LRP1B: variants seen among roughly 807,000 people sequenced by gnomAD.
LRP1B encodes low-density lipoprotein receptor-related protein 1B.
A neutral mutation model predicts 556.6 loss-of-function variants in LRP1B; 217 were observed. The observed-to-expected ratio is 0.39, with a 90% CI of 0.35 to 0.44. The LOEUF (loss-of-function observed/expected upper bound fraction) is 0.44. LRP1B is among the 20% of genes least tolerant of loss of function. The pLI is 1.00. For missense variants in LRP1B, 5,053 were observed against 5,620.8 expected, an observed-to-expected ratio of 0.90 and a Z score of 3.23; for synonymous variants, 2,047 against 1,865.8, an observed-to-expected ratio of 1.10 and a Z score of -2.50.
chr2:141,784,235 G>A (rs947245261), intron 2 of LRP1B, among the ~76,000 whole-genome samples: 1 of 151,826 alleles, frequency 6.6e-6, no homozygotes, highest in Non-Finnish European at 1.5e-5. Flanking sequence ...ACATATACTG[G>A]TGGTAGAAAG....
chr2:141,963,486 C>A (rs1038507827), intron 1 of LRP1B, among the ~76,000 whole-genome samples: 45 of 151,620 alleles, frequency 3.0e-4, no homozygotes, highest in Non-Finnish European at 5.7e-4. Flanking sequence ...GAGCCAAAGA[C>A]AAAAACCACA....
chr2:141,124,242 T>G (rs1007832908), intron 7 of LRP1B, among the ~76,000 whole-genome samples: 2 of 152,158 alleles, frequency 1.3e-5, no homozygotes, highest in Non-Finnish European at 2.9e-5. Context: ...TTGCATAGTT[T>G]ATGTGTTTGA....
At chr2:142,122,455 G>T (rs1707490388) in intron 1 of LRP1B, among the ~76,000 whole-genome samples, 1 of 152,076 alleles carries the variant, frequency 6.6e-6, no homozygotes, top group South Asian at 2.1e-4. Flanking sequence ...TATTCTAAAT[G>T]TTGATCATGT....
chr2:141,432,890 T>C (rs558832770), intron 3 of LRP1B, among the ~76,000 whole-genome samples: 1 of 152,160 alleles, frequency 6.6e-6, no homozygotes, highest in Admixed American at 6.5e-5. Flanking sequence ...TCTTTTTCAT[T>C]AATTTCCACT....
rs150611245 is a variant in LRP1B, at chr2:141,181,284, T to A, written c.1013+7137A>T. ...TATCCTGGAAAGAATACACTAAAGA[T>A]CACATTACAGAGCAAAGAAATAGAA... is the stretch of plus-strand genomic sequence containing the variant. On this transcript the variant is annotated intron_variant, in intron 7 of 90. Transcript: ENST00000389484. Among the ~76,000 whole-genome samples, 495 of 151,894 alleles carry A rather than the reference T, an allele frequency of 3.3e-3. 2 individuals are homozygous for A. The highest frequency in any genetic ancestry group is 5.6e-3 in the Non-Finnish European group (377 of 67,862).
At chr2:140,677,215 C>T (rs1325340845) in intron 41 of LRP1B, among the ~76,000 whole-genome samples, 1 of 152,146 alleles carries the variant, frequency 6.6e-6, no homozygotes, top group Non-Finnish European at 1.5e-5. Flanking sequence ...TTGTCTTTGT[C>T]AACCACAGAG....
intron 7 of LRP1B, among the ~76,000 whole-genome samples, chr2:141,115,858 T>C (rs1471078208): frequency 1.3e-5 from 2 of 152,100 alleles, no homozygotes; most frequent in Non-Finnish European, 2.9e-5. Flanking sequence ...AGAATTTTCA[T>C]TTTGCTTTCA....
At chr2:141,137,070 A>T (rs1701509898) in intron 7 of LRP1B, among the ~76,000 whole-genome samples, 1 of 151,978 alleles carries the variant, frequency 6.6e-6, no homozygotes, top group African/African-American at 2.4e-5. Context: ...ACATAAGGCC[A>T]GTTTTTAAAT....
At chr2:141,544,368 T>TTTTCTTC (rs1685455060) in intron 2 of LRP1B, among the ~76,000 whole-genome samples, 1 of 109,868 alleles carries the variant, frequency 9.1e-6, no homozygotes, top group African/African-American at 3.1e-5. Flanking sequence ...CTTCTTCTTC[T>TTTTCTTC]TCTTCTTCTT....
At chr2:140,853,062 T>C (rs1320657567) in intron 27 of LRP1B, among the ~76,000 whole-genome samples, 4 of 152,158 alleles carry the variant, frequency 2.6e-5, no homozygotes, top group Non-Finnish European at 4.4e-5. Flanking sequence ...ATGCCCAATA[T>C]GCCACCTTTG....
intron 65 of LRP1B, among the ~76,000 whole-genome samples, chr2:140,443,175 C>T (rs1266336418): frequency 6.6e-6 from 1 of 152,146 alleles, no homozygotes; most frequent in African/African-American, 2.4e-5. Flanking sequence ...ATTCTCCTGC[C>T]TCAGCCTCCC....
At chr2:141,333,251 C>T (rs1687724178) in intron 3 of LRP1B, among the ~76,000 whole-genome samples, 2 of 151,996 alleles carry the variant, frequency 1.3e-5, no homozygotes, top group African/African-American at 2.4e-5. Flanking sequence ...AACGCCATGG[C>T]ACTAAGATAG....
chr2:142,002,863 G>A (rs1024666399), intron 1 of LRP1B, among the ~76,000 whole-genome samples: 1 of 152,086 alleles, frequency 6.6e-6, no homozygotes. Context: ...TCGTCAGGAG[G>A]CAATGCGATC....
intron 1 of LRP1B, among the ~76,000 whole-genome samples, chr2:141,923,860 G>A (rs1011897434): frequency 6.6e-6 from 1 of 152,000 alleles, no homozygotes; most frequent in Non-Finnish European, 1.5e-5. Context: ...AGGAAAAGAA[G>A]GAGTGTTTCA....
intron 2 of LRP1B, among the ~76,000 whole-genome samples, chr2:141,513,914 C>G (rs923263103): frequency 3.9e-5 from 6 of 152,228 alleles, no homozygotes; most frequent in African/African-American, 1.2e-4. Flanking sequence ...AGTTGTTAAA[C>G]TGTAGGAAGT....
At chr2:141,359,260 A>T (rs1688731815) in intron 3 of LRP1B, among the ~76,000 whole-genome samples, 1 of 123,514 alleles carries the variant, frequency 8.1e-6, no homozygotes, top group South Asian at 2.6e-4. Context: ...ACAAGGACAA[A>T]ATAAATGAAA....
chr2:141,243,448 C>T (rs1350829604), intron 5 of LRP1B, among the ~76,000 whole-genome samples: 1 of 152,052 alleles, frequency 6.6e-6, no homozygotes, highest in Non-Finnish European at 1.5e-5. Context: ...TGCTACTGTA[C>T]TCCAGCCTGA....
intron 2 of LRP1B, among the ~76,000 whole-genome samples, chr2:141,776,265 A>T (rs181420841): frequency 2.2e-4 from 33 of 152,252 alleles, no homozygotes; most frequent in African/African-American, 7.7e-4. Context: ...TCTTCCAAAG[A>T]GTTGTTGACT....
rs114996490 is a variant in LRP1B, at chr2:142,093,964, T to C, written c.82+36684A>G. 5.3e-3 allele frequency among the ~76,000 whole-genome samples: 812 copies of C among 152,192 alleles called. 3 individuals carry two copies. Among genetic ancestry groups the C allele is most frequent in the African/African-American group, 0.013 (536 of 41,532 alleles). ...GTGGCTTATAAGCAACAGAAACTTA[T>C]TTCTCACAACCTAGAGGCTGGGAAT... On this transcript the variant is annotated intron_variant, in intron 1 of 90. Coordinates refer to ENST00000389484, the MANE Select transcript of LRP1B (RefSeq NM_018557.3).
Sources: gnomAD v4.1 joint callset for allele counts (sites outside exome capture counted in the v4.1 genomes callset) on GRCh38, gnomAD v4.1.1 for gene constraint, MANE v1.5 for transcripts, NCBI Gene and HGNC (gene_info 2026-07-23, HGNC 2026-07-21) for gene names.